Variants in IQSEC2 observed in about 807,000 individuals in gnomAD.
IQSEC2 encodes the protein IQ motif and SEC7 domain-containing protein 2.
A neutral mutation model predicts 74.6 loss-of-function variants in IQSEC2; 6 were observed. The ratio of observed to expected loss-of-function variants is 0.08; its 90% CI spans 0.04 to 0.16. The LOEUF (loss-of-function observed/expected upper bound fraction) is 0.16, where lower values mean the gene tolerates loss of function less well. Among genes scored for constraint, IQSEC2 ranks in the 10% least tolerant of loss-of-function variants. The pLI, the probability that IQSEC2 is intolerant of heterozygous loss-of-function variation, is 1.00. For synonymous variants in IQSEC2, 494 were observed against 544.5 expected (o/e 0.91, Z 1.29); for missense variants, 734 against 1,306.2 (o/e 0.56, Z 6.75).
At position 53,235,788 on chromosome X, in the gene IQSEC2, T is replaced by C. The variant is rs1556859484; in HGVS notation, c.3496A>G (p.Ile1166Val). The stretch of plus-strand genomic sequence containing the variant: ...GGGCAGGAGCTGGCACTTACTTCGA[T>C]GGTGCTGTCCAGCGATCCCACGCTG... ...RNSVGSLDSTIEGSVISSPRP... is the reference protein window; with the variant it reads ...RNSVGSLDSTVEGSVISSPRP... Residue 1166 changes from isoleucine (I) to valine (V), a missense_variant, in exon 14 of 15, where the codon ATC becomes GTC. This residue lies in a region of IQSEC2 where 249 missense variants were observed against 467.9 expected (regional missense o/e 0.53). Transcript: ENST00000642864. The C allele has an allele frequency of 4.3e-6, 5 of 1,166,568 alleles. No individual in the cohort carries two copies. The highest frequency in any genetic ancestry group is 3.3e-5 in the East Asian group (1 of 30,696).
intron 9 of IQSEC2, among the ~76,000 whole-genome samples, chrX:53,242,591 C>A (rs1357794023): frequency 1.8e-5 from 2 of 111,621 alleles, no homozygotes; most frequent in African/African-American, 3.3e-5. Flanking sequence ...TTGTTTCACA[C>A]CCCGACTGGT....
intron 1 of IQSEC2, among the ~76,000 whole-genome samples, chrX:53,307,240 C>T (rs1244301051): frequency 9.5e-6 from 1 of 105,548 alleles, no homozygotes; most frequent in Non-Finnish European, 1.9e-5. Flanking sequence ...ACATAGGCAG[C>T]TCACCACTCA....
At chrX:53,242,191 T>C (rs782098837) in intron 9 of IQSEC2, among the ~76,000 whole-genome samples, 1 of 110,669 alleles carries the variant, frequency 9.0e-6, no homozygotes, top group South Asian at 3.9e-4. Context: ...CCCAGCACTT[T>C]GGGAGGCCGA....
At chrX:53,290,467 G>A (rs2075087029) in intron 2 of IQSEC2, among the ~76,000 whole-genome samples, 2 of 111,923 alleles carry the variant, frequency 1.8e-5, no homozygotes, top group South Asian at 7.5e-4. Flanking sequence ...ATGCTTGCAG[G>A]AGCCCCGTGC....
intron 4 of IQSEC2, among the ~76,000 whole-genome samples, chrX:53,254,285 G>A (rs1009749542): frequency 9.5e-6 from 1 of 104,907 alleles, no homozygotes; most frequent in Non-Finnish European, 1.9e-5. Context: ...AGCCAAGATC[G>A]TGCCATTGCA....
intron 4 of IQSEC2, among the ~76,000 whole-genome samples, chrX:53,253,185 T>C (rs1556864165): frequency 1.8e-5 from 2 of 112,510 alleles, no homozygotes; most frequent in Non-Finnish European, 3.8e-5. Context: ...TTCAACAATC[T>C]CTACCAAGTA....
downstream of IQSEC2, chrX:53,227,398 A>T (rs1886888): frequency 2.7e-5 from 7 of 262,914 alleles, no homozygotes; most frequent in Admixed American, 4.0e-4. Context: ...AACTTGCCCA[A>T]TGATACACAG....
In IQSEC2 at chrX:53,279,475, G is replaced by C; in HGVS notation, c.737+12420C>G. On this transcript the variant is annotated intron_variant, in intron 2 of 14. Transcript: ENST00000642864. ...ACACCCATTCCACAGGCACAGCAGGGGCTCAGGGAGGTGGGAGGGGCTGGC... is the reference window on the plus strand; with the variant it reads ...ACACCCATTCCACAGGCACAGCAGGCGCTCAGGGAGGTGGGAGGGGCTGGC... The C allele has an allele frequency of 4.2e-5, 23 of 543,959 alleles. No homozygotes were observed. In the South Asian group the frequency reaches 6.7e-4, roughly 16 times the overall value. 44.8% of individuals were successfully genotyped at this position (543,959 alleles called of 1,213,427 possible). A position where few individuals can be genotyped will look rare whatever the true frequency, so the allele number is the denominator to read the frequency against.
chrX:53,280,260 A>G lies in IQSEC2; in HGVS notation c.737+11635T>C, dbSNP rs782228655. 3.2e-3 allele frequency among the ~76,000 whole-genome samples: 350 copies of G among 109,681 alleles called. 5 individuals carry two copies. The highest frequency in any genetic ancestry group is 0.011 in the African/African-American group (335 of 30,087). ...CCCTTAGAGAAGATCCCTCACAGGA[A>G]GGGAGGAAGGGATGGAGGAAGGAGA... is the stretch of plus-strand genomic sequence containing the variant. On this transcript the variant is annotated intron_variant, in intron 2 of 14. Coordinates refer to ENST00000642864, the MANE Select transcript of IQSEC2 (RefSeq NM_001111125.3).
chrX:53,296,433 A>T (rs1316112580), intron 1 of IQSEC2, among the ~76,000 whole-genome samples: 6 of 112,016 alleles, frequency 5.4e-5, no homozygotes, highest in Non-Finnish European at 1.1e-4. Flanking sequence ...ACCCTGGCCC[A>T]GAAATCATGC....
chrX:53,242,361 G>C (rs1556861073), intron 9 of IQSEC2, among the ~76,000 whole-genome samples: 1 of 101,863 alleles, frequency 9.8e-6, no homozygotes, highest in Non-Finnish European at 2.0e-5. Context: ...TTGAACCCAG[G>C]AGGTAGAGGT....
rs1556863425 is a variant in IQSEC2, at chrX:53,250,936, G to A, written c.1640C>T (p.Ala547Val). Residue 547 changes from alanine (A) to valine (V), a missense_variant, in exon 5 of 15, where the codon GCG becomes GTG. Ala to Val is a moderately conservative substitution (Grantham distance 64). Around this residue, in one of 12 missense-constraint regions of IQSEC2, gnomAD observed 204 missense variants for 305.4 expected, o/e 0.67. Coordinates refer to ENST00000642864, the MANE Select transcript of IQSEC2 (RefSeq NM_001111125.3). ...PPPQGRPEFW[A>V]PAPLPPVPPP... ...AGGAACTGGCGGGAGAGGGGCTGGC[G>A]CCCAGAACTCGGGCCGGCCCTGGGG... is the stretch of plus-strand genomic sequence containing the variant. 3 of 1,210,341 alleles carry A rather than the reference G, an allele frequency of 2.5e-6. No individual in the cohort carries two copies. The highest frequency in any genetic ancestry group is 2.2e-6 in the Non-Finnish European group (2 of 894,387).
chrX:53,288,461 C>G (rs1556872288), intron 2 of IQSEC2, among the ~76,000 whole-genome samples: 1 of 107,419 alleles, frequency 9.3e-6, no homozygotes, highest in Non-Finnish European at 1.9e-5. Flanking sequence ...CAACCCCAGC[C>G]TGGTCCCCAG....
intron 2 of IQSEC2, among the ~76,000 whole-genome samples, chrX:53,274,693 T>C (rs2074800411): frequency 9.1e-6 from 1 of 110,014 alleles, no homozygotes; most frequent in East Asian, 2.8e-4. Context: ...GATCTCCTGA[T>C]CTCATGATCC....
At chrX:53,310,887 G>A (rs781858826) in intron 1 of IQSEC2, among the ~76,000 whole-genome samples, 2 of 108,874 alleles carry the variant, frequency 1.8e-5, no homozygotes, top group East Asian at 5.8e-4. Flanking sequence ...TTGGGAGGCC[G>A]AGGTGGGCGG....
At chrX:53,319,610 C>CT (rs1185060187) in intron 1 of IQSEC2, among the ~76,000 whole-genome samples, 1 of 111,487 alleles carries the variant, frequency 9.0e-6, no homozygotes, top group Non-Finnish European at 1.9e-5. Flanking sequence ...ACCATGGTAT[C>CT]TACACAGAAA....
At chrX:53,251,735 G>C (rs1359798643) in intron 4 of IQSEC2, among the ~76,000 whole-genome samples, 2 of 112,097 alleles carry the variant, frequency 1.8e-5, no homozygotes, top group African/African-American at 6.5e-5. Context: ...TGGCAGAAGC[G>C]AATGTATGTC....
intron 1 of IQSEC2, among the ~76,000 whole-genome samples, chrX:53,312,272 C>G (rs188918842): frequency 2.1e-4 from 23 of 111,403 alleles, no homozygotes; most frequent in Non-Finnish European, 4.0e-4. Context: ...CTCCAGTAAG[C>G]CTTCCCTGAC....
rs1236964125 is a variant in IQSEC2, at chrX:53,235,866, C to T, written c.3452-34G>A. On this transcript the variant is annotated intron_variant, in intron 13 of 14. Transcript: ENST00000642864. ...ACAAGCAAGGAGCCCAGCGTCAGAG[C>T]AGCAACCCCCCCCCTACCCTGCTGG... 14 of 1,144,545 alleles carry T rather than the reference C, an allele frequency of 1.2e-5. No individual in the cohort carries two copies. In the African/African-American group the frequency reaches 2.5e-4, roughly 21 times the overall value. The allele number at this position is 1,144,545 out of a possible 1,213,427, so 94.3% of individuals were successfully genotyped here.
Sources: allele counts gnomAD v4.1 joint callset (sites outside exome capture counted in the v4.1 genomes callset), GRCh38; gene constraint gnomAD v4.1.1; regional missense constraint gnomAD v4.1.1; transcripts MANE v1.5; gene names NCBI Gene and HGNC (gene_info 2026-07-23, HGNC 2026-07-21).